STXBP5L: variants seen among roughly 807,000 people sequenced by gnomAD.
STXBP5L encodes the protein syntaxin-binding protein 5-like.
A neutral mutation model predicts 144.5 loss-of-function variants in STXBP5L; 65 were observed. That is an observed-to-expected ratio of 0.45 (90% CI 0.37 to 0.55). STXBP5L has a LOEUF of 0.55. Ranked by LOEUF, STXBP5L falls within the 20% of genes least tolerant of loss-of-function variation. STXBP5L has a pLI of 0.00. For synonymous variants in STXBP5L, 505 were observed against 469.6 expected (o/e 1.08, Z -0.97); for missense variants, 1,298 against 1,405.5 (o/e 0.92, Z 1.22).
chr3:121,242,732 T>A (rs1318989285), intron 14 of STXBP5L, among the ~76,000 whole-genome samples: 1 of 151,862 alleles, frequency 6.6e-6, no homozygotes, highest in Admixed American at 6.6e-5. Context: ...TTATCTGCAA[T>A]ACACTCACTT....
intron 7 of STXBP5L, among the ~76,000 whole-genome samples, chr3:121,134,988 T>A (rs886885105): frequency 1.3e-5 from 2 of 149,230 alleles, no homozygotes; most frequent in Non-Finnish European, 2.9e-5. Flanking sequence ...CACACTGTCT[T>A]CCACAATGGT....
intron 20 of STXBP5L, among the ~76,000 whole-genome samples, chr3:121,356,516 C>T (rs1270022609): frequency 6.6e-6 from 1 of 152,234 alleles, no homozygotes; most frequent in African/African-American, 2.4e-5. Context: ...GAGAGAGTCT[C>T]CTTGTCTGCC....
At chr3:121,043,009 T>G (rs1377279155) in intron 4 of STXBP5L, among the ~76,000 whole-genome samples, 1 of 151,920 alleles carries the variant, frequency 6.6e-6, no homozygotes, top group African/African-American at 2.4e-5. Flanking sequence ...AGGCATAATT[T>G]GTTTCCATGT....
At chr3:120,951,856 G>A (rs1201255013) in intron 2 of STXBP5L, among the ~76,000 whole-genome samples, 2 of 152,022 alleles carry the variant, frequency 1.3e-5, no homozygotes, top group Admixed American at 6.6e-5. Context: ...ACATGCACAC[G>A]TATGTTTATT....
chr3:121,242,496 CTG>C (rs1181088183), intron 14 of STXBP5L, among the ~76,000 whole-genome samples: 3 of 152,072 alleles, frequency 2.0e-5, no homozygotes, highest in South Asian at 2.1e-4. Flanking sequence ...CCTAAAAAAA[CTG>C]TAAAAATTAT....
intron 20 of STXBP5L, among the ~76,000 whole-genome samples, chr3:121,378,265 A>G (rs1455846891): frequency 6.6e-6 from 1 of 152,186 alleles, no homozygotes; most frequent in Non-Finnish European, 1.5e-5. Context: ...ACAGCAAACC[A>G]CCATGGTGCA....
intron 9 of STXBP5L, among the ~76,000 whole-genome samples, chr3:121,196,166 C>CTT (rs1314610009): frequency 5.0e-5 from 7 of 140,340 alleles, no homozygotes; most frequent in South Asian, 2.3e-4. Context: ...AATATCAATT[C>CTT]TTTTTTTTTT....
intron 2 of STXBP5L, among the ~76,000 whole-genome samples, chr3:120,939,481 A>AG (rs1208572038): frequency 6.6e-6 from 1 of 152,170 alleles, no homozygotes; most frequent in Non-Finnish European, 1.5e-5. Flanking sequence ...ACTACTGGAA[A>AG]TTGAAGAAGT....
intron 18 of STXBP5L, among the ~76,000 whole-genome samples, chr3:121,267,741 G>T (rs908959333): frequency 5.3e-5 from 8 of 152,038 alleles, no homozygotes; most frequent in African/African-American, 1.7e-4. Context: ...CAAAAAGTTG[G>T]CAAACGATAG....
intron 5 of STXBP5L, among the ~76,000 whole-genome samples, chr3:121,047,799 C>T (rs1000461551): frequency 1.7e-4 from 26 of 152,162 alleles, no homozygotes; most frequent in Admixed American, 1.6e-3. Context: ...CTTCTTTATA[C>T]AGCTTGCCAC....
intron 3 of STXBP5L, among the ~76,000 whole-genome samples, chr3:120,961,438 A>G (rs1172248529): frequency 6.6e-6 from 1 of 151,472 alleles, no homozygotes; most frequent in Admixed American, 6.6e-5. Flanking sequence ...TCGTCCCCCA[A>G]CGAGGCCCCA....
chr3:121,283,194 A>G (rs1220986063), intron 19 of STXBP5L, among the ~76,000 whole-genome samples: 1 of 152,038 alleles, frequency 6.6e-6, no homozygotes, highest in East Asian at 1.9e-4. Context: ...ACTCACACAT[A>G]TATGTTGTTT....
At chr3:121,410,643 C>T (rs1467797871) in intron 23 of STXBP5L, among the ~76,000 whole-genome samples, 1 of 151,872 alleles carries the variant, frequency 6.6e-6, no homozygotes, top group Non-Finnish European at 1.5e-5. Flanking sequence ...ATCCTAAGTA[C>T]CCAGACTCAG....
chr3:121,337,707 T>C (rs2044558975), intron 20 of STXBP5L, among the ~76,000 whole-genome samples: 2 of 152,024 alleles, frequency 1.3e-5, no homozygotes, highest in Admixed American at 1.3e-4. Context: ...AGAACAAATA[T>C]AACTAACAGA....
At position 121,378,192 on chromosome 3, in the gene STXBP5L, A is replaced by G. The variant is rs1246733741; in HGVS notation, c.2177-524A>G. Among the ~76,000 whole-genome samples the G allele has an allele frequency of 5.3e-5, 8 of 152,136 alleles. No homozygotes were observed. In the East Asian group the frequency reaches 1.5e-3, roughly 29 times the overall value. ...CGGGGGGTGGGGGGAAAGGGGAGGG[A>G]GAGTATTAGGACAAATACCTAATGC... On this transcript the variant is annotated intron_variant, in intron 20 of 26. Coordinates refer to ENST00000471454, the MANE Select transcript of STXBP5L (RefSeq NM_001308330.2).
chr3:120,957,446 G>A (rs1266050498), intron 3 of STXBP5L, among the ~76,000 whole-genome samples: 1 of 151,848 alleles, frequency 6.6e-6, no homozygotes, highest in Non-Finnish European at 1.5e-5. Context: ...ATTGATTTGT[G>A]AGTATTTTGT....
Position 121,419,129 on chromosome 3 carries a change from C to T in STXBP5L, c.*32C>T, listed in dbSNP as rs6782025. Reference sequence around the variant, plus strand: ...AAGAAGCTGTGACTGCTTTGAGAAACCATATTCAGGGAAACCAAATTTATT... The same window carrying T: ...AAGAAGCTGTGACTGCTTTGAGAAATCATATTCAGGGAAACCAAATTTATT... On this transcript the variant is annotated 3_prime_UTR_variant, in exon 27 of 27. Coordinates refer to ENST00000471454, the MANE Select transcript of STXBP5L (RefSeq NM_001308330.2). The T allele has an allele frequency of 0.76, 1,221,232 of 1,600,390 alleles. 467,624 individuals are homozygous for T. Among genetic ancestry groups the T allele is most frequent in the East Asian group, 0.89 (39,726 of 44,528 alleles).
intron 11 of STXBP5L, among the ~76,000 whole-genome samples, chr3:121,231,475 C>G (rs1288220119): frequency 6.6e-6 from 1 of 152,158 alleles, no homozygotes; most frequent in Non-Finnish European, 1.5e-5. Flanking sequence ...GGGTTAATGT[C>G]AGTGTATTGC....
At chr3:121,041,627 A>T (rs1280519820) in intron 3 of STXBP5L, 73 bp from the exon 4 acceptor site, 9 of 1,119,258 alleles carry the variant, frequency 8.0e-6, no homozygotes, top group Non-Finnish European at 9.5e-6. Flanking sequence ...CTGTTGATCA[A>T]TAAGTTAGTT....
Sources: gnomAD v4.1 joint callset for allele counts (sites outside exome capture counted in the v4.1 genomes callset) on GRCh38, gnomAD v4.1.1 for gene constraint, MANE v1.5 for transcripts, NCBI Gene and HGNC (gene_info 2026-07-23, HGNC 2026-07-21) for gene names.